BMERB1: variants seen among roughly 807,000 people sequenced by gnomAD.
The protein encoded by BMERB1 is bMERB domain-containing protein 1.
Under a neutral mutation model 23.6 loss-of-function variants are expected in BMERB1, and 12 were observed. The observed-to-expected ratio is 0.51, with a 90% confidence interval of 0.33 to 0.82. The LOEUF is 0.82. Ranked by LOEUF, BMERB1 falls within the 40% of genes least tolerant of loss-of-function variation. BMERB1 has a pLI of 0.03. For missense variants in BMERB1, 247 were observed against 255.4 expected (o/e 0.97, Z 0.22); for synonymous variants, 122 against 96.6 (o/e 1.26, Z -1.54).
In BMERB1 at chr16:15,587,360, C is replaced by T. The variant is rs1465981151; in HGVS notation, c.*531C>T. 3 of 247,086 alleles carry T rather than the reference C, an allele frequency of 1.2e-5. No homozygotes were observed. Among genetic ancestry groups the T allele is most frequent in the Non-Finnish European group, 2.5e-5 (3 of 118,228 alleles). The allele number at this position is 247,086 out of a possible 1,614,324, so 15.3% of individuals were successfully genotyped here. A position where few individuals can be genotyped will look rare whatever the true frequency, so the allele number is the denominator to read the frequency against. On this transcript the variant is annotated 3_prime_UTR_variant, in exon 6 of 6. Transcript: ENST00000300006. The stretch of plus-strand genomic sequence containing the variant: ...ACATGGCCCCCGTGTCTCTCGGGCA[C>T]CACCCATATAGCAGTCCCAGAGGGC...
chr16:15,476,314 C>G (rs2051274573), intron 1 of BMERB1, among the ~76,000 whole-genome samples: 1 of 152,038 alleles, frequency 6.6e-6, no homozygotes, highest in South Asian at 2.1e-4. Context: ...TGGCGCCCAC[C>G]ACCATACCCG....
chr16:15,575,915 T>G (rs1336764798), intron 3 of BMERB1, among the ~76,000 whole-genome samples: 1 of 152,034 alleles, frequency 6.6e-6, no homozygotes, highest in African/African-American at 2.4e-5. Flanking sequence ...CTCCAGTCCT[T>G]TTGTTACTTA....
At chr16:15,474,946 C>G (rs1456955643) in intron 1 of BMERB1, among the ~76,000 whole-genome samples, 2 of 151,832 alleles carry the variant, frequency 1.3e-5, no homozygotes, top group East Asian at 3.9e-4. Context: ...CTTGGCCTCC[C>G]AAAGCACTGG....
chr16:15,555,447 C>A (rs1361041513), intron 2 of BMERB1, among the ~76,000 whole-genome samples: 1 of 152,106 alleles, frequency 6.6e-6, no homozygotes, highest in East Asian at 1.9e-4. Context: ...AAAACTAAGG[C>A]AGTCTAGAAA....
At chr16:15,442,290 A>G (rs2050945667) in intron 1 of BMERB1, among the ~76,000 whole-genome samples, 1 of 151,614 alleles carries the variant, frequency 6.6e-6, no homozygotes, top group South Asian at 2.1e-4. Context: ...AGGTCACACC[A>G]TTGCACTCCA....
At chr16:15,478,771 C>T (rs373725505) in intron 1 of BMERB1, among the ~76,000 whole-genome samples, 2 of 152,170 alleles carry the variant, frequency 1.3e-5, no homozygotes, top group Non-Finnish European at 2.9e-5. Flanking sequence ...CATGTATTCA[C>T]AGTTAAACAA....
intron 2 of BMERB1, among the ~76,000 whole-genome samples, chr16:15,535,928 T>A (rs574818454): frequency 1.3e-5 from 2 of 152,016 alleles, no homozygotes; most frequent in Non-Finnish European, 2.9e-5. Context: ...CAGACACTTA[T>A]AAAGCCCTCA....
intron 2 of BMERB1, among the ~76,000 whole-genome samples, chr16:15,525,618 T>C (rs1167163961): frequency 6.6e-6 from 1 of 151,120 alleles, no homozygotes; most frequent in Non-Finnish European, 1.5e-5. Flanking sequence ...GGCAGGAGAA[T>C]CGCTTGAACT....
intron 1 of BMERB1, among the ~76,000 whole-genome samples, chr16:15,513,259 T>TA (rs531115043): frequency 9.8e-4 from 149 of 152,306 alleles, no homozygotes; most frequent in African/African-American, 3.3e-3. Flanking sequence ...AAATAATTCT[T>TA]ACATTTTTTT....
intron 2 of BMERB1, among the ~76,000 whole-genome samples, chr16:15,557,594 C>T (rs542849659): frequency 6.6e-6 from 1 of 152,306 alleles, no homozygotes; most frequent in Admixed American, 6.5e-5. Flanking sequence ...AGTAACACAG[C>T]GTCCGACGAC....
At chr16:15,534,152 C>A (rs1207492172) in intron 2 of BMERB1, among the ~76,000 whole-genome samples, 1 of 151,908 alleles carries the variant, frequency 6.6e-6, no homozygotes, top group Non-Finnish European at 1.5e-5. Flanking sequence ...TGTCATTGAT[C>A]TCTTCACAGC....
At chr16:15,493,862 A>G (rs1347046508) in intron 1 of BMERB1, among the ~76,000 whole-genome samples, 1 of 152,222 alleles carries the variant, frequency 6.6e-6, no homozygotes, top group Non-Finnish European at 1.5e-5. Context: ...AGCAGTTTTT[A>G]AAAACTGAAA....
At chr16:15,542,530 A>G (rs2052096462) in intron 2 of BMERB1, among the ~76,000 whole-genome samples, 1 of 152,138 alleles carries the variant, frequency 6.6e-6, no homozygotes, top group African/African-American at 2.4e-5. Context: ...TCGCTCAGGA[A>G]ACTCCAGGGG....
chr16:15,435,013 G>C (rs549638830), intron 1 of BMERB1, among the ~76,000 whole-genome samples: 48 of 152,384 alleles, frequency 3.1e-4, no homozygotes, highest in African/African-American at 1.1e-3. Context: ...AGGAGCCTGG[G>C]CTCGACTTAG....
chr16:15,473,517 GCCCGACC>G (rs995539469), intron 1 of BMERB1, among the ~76,000 whole-genome samples: 3 of 149,662 alleles, frequency 2.0e-5, no homozygotes, highest in African/African-American at 7.4e-5. Context: ...GGTCTCGAAT[GCCCGACC>G]TCAGGTGATC....
At chr16:15,452,282 TA>T (rs777225534) in intron 1 of BMERB1, among the ~76,000 whole-genome samples, 352 of 94,798 alleles carry the variant, frequency 3.7e-3, no homozygotes, top group Admixed American at 4.3e-3. Context: ...CCCTGTCTCT[TA>T]AAAAAAAAAA....
At chr16:15,564,796 G>A (rs1197685472) in intron 2 of BMERB1, among the ~76,000 whole-genome samples, 1 of 152,210 alleles carries the variant, frequency 6.6e-6, no homozygotes, top group Non-Finnish European at 1.5e-5. Context: ...GATGGTTAGA[G>A]ATGCTGGCAG....
intron 1 of BMERB1, among the ~76,000 whole-genome samples, chr16:15,444,112 G>GCA (rs2050965603): frequency 1.7e-5 from 1 of 59,042 alleles, no homozygotes; most frequent in Non-Finnish European, 3.3e-5. Flanking sequence ...CAGGGTCCAG[G>GCA]CACCAGCTTT....
At chr16:15,466,779 G>C (rs2051184378) in intron 1 of BMERB1, among the ~76,000 whole-genome samples, 1 of 152,044 alleles carries the variant, frequency 6.6e-6, no homozygotes, top group South Asian at 2.1e-4. Flanking sequence ...TTAGATTTGT[G>C]TGACTATCAA....
Sources: allele counts gnomAD v4.1 joint callset (sites outside exome capture counted in the v4.1 genomes callset), GRCh38; gene constraint gnomAD v4.1.1; transcripts MANE v1.5; gene names NCBI Gene and HGNC (gene_info 2026-07-23, HGNC 2026-07-21).